Variants in DCUN1D1 observed in about 807,000 individuals in gnomAD.
DCUN1D1 encodes DCN1-like protein 1.
Under a neutral mutation model 39.0 loss-of-function variants are expected in DCUN1D1, and 3 were observed. The ratio of observed to expected loss-of-function variants is 0.08; its 90% CI spans 0.04 to 0.20. DCUN1D1 has a LOEUF of 0.20. Among genes scored for constraint, DCUN1D1 ranks in the 10% least tolerant of loss-of-function variants. The pLI, the probability that DCUN1D1 is intolerant of heterozygous loss-of-function variation, is 1.00. For synonymous variants in DCUN1D1, 82 were observed against 96.3 expected, an observed-to-expected ratio of 0.85 and a Z score of 0.87; for missense variants, 158 against 302.4, an observed-to-expected ratio of 0.52 and a Z score of 3.54.
intron 1 of DCUN1D1, among the ~76,000 whole-genome samples, chr3:182,976,025 T>C (rs926662202): frequency 2.0e-5 from 3 of 152,158 alleles, no homozygotes; most frequent in African/African-American, 7.2e-5. Flanking sequence ...CTGAACTACA[T>C]ATAAACCACT....
upstream of DCUN1D1, among the ~76,000 whole-genome samples, chr3:182,982,697 C>T (rs867078012): frequency 1.1e-4 from 17 of 152,146 alleles, no homozygotes; most frequent in Non-Finnish European, 1.8e-4. Flanking sequence ...GGCTGGAGTA[C>T]AATGGCGCAA....
At chr3:182,971,207 A>G (rs1727918885) in intron 1 of DCUN1D1, among the ~76,000 whole-genome samples, 1 of 152,222 alleles carries the variant, frequency 6.6e-6, no homozygotes, top group African/African-American at 2.4e-5. Flanking sequence ...ACACGAATCA[A>G]TTCAGGTTAA....
upstream of DCUN1D1, among the ~76,000 whole-genome samples, chr3:182,981,954 A>G (rs928506494): frequency 6.6e-6 from 1 of 152,246 alleles, no homozygotes; most frequent in Non-Finnish European, 1.5e-5. Context: ...TGCCTCATGC[A>G]GCAAGCCTGA....
At chr3:182,980,070 A>C in intron 1 of DCUN1D1, 1 of 812,274 alleles carries the variant, frequency 1.2e-6, no homozygotes, top group Non-Finnish European at 1.5e-6. Context: ...GGGGGAGGCT[A>C]CTCACCCGGA....
upstream of DCUN1D1, among the ~76,000 whole-genome samples, chr3:182,984,504 T>C (rs888015386): frequency 4.6e-5 from 7 of 152,156 alleles, no homozygotes; most frequent in Non-Finnish European, 7.3e-5. Context: ...ATGACTATTT[T>C]CCATAGCAAC....
chr3:182,956,791 G>T (rs769221142), intron 4 of DCUN1D1, among the ~76,000 whole-genome samples: 1 of 152,108 alleles, frequency 6.6e-6, no homozygotes, highest in Non-Finnish European at 1.5e-5. Flanking sequence ...AAATGATATG[G>T]CTGCTAAAGA....
chr3:182,980,134 G>C, intron 1 of DCUN1D1: 1 of 932,474 alleles, frequency 1.1e-6, no homozygotes, highest in Non-Finnish European at 1.3e-6. Flanking sequence ...AGGGGCAGGG[G>C]CAAGGCCGTT....
At chr3:182,975,368 G>A (rs1025137409) in intron 1 of DCUN1D1, among the ~76,000 whole-genome samples, 4 of 151,474 alleles carry the variant, frequency 2.6e-5, no homozygotes, top group African/African-American at 4.9e-5. Context: ...AGCAGAGATG[G>A]GGTTTCACCG....
At chr3:182,946,591 A>C (rs1382172568) in intron 6 of DCUN1D1, among the ~76,000 whole-genome samples, 1 of 150,524 alleles carries the variant, frequency 6.6e-6, no homozygotes, top group African/African-American at 2.4e-5. Flanking sequence ...CACTGAACTT[A>C]AGGAATTTAC....
chr3:182,965,458 T>A (rs139913704), intron 2 of DCUN1D1, 79 bp downstream of exon 2: 8 of 850,044 alleles, frequency 9.4e-6, no homozygotes, highest in Non-Finnish European at 1.5e-5. Flanking sequence ...AAGTTATATA[T>A]AGTATTTCAT....
chr3:182,959,962 G>A (rs894320335), intron 4 of DCUN1D1, among the ~76,000 whole-genome samples: 1 of 152,114 alleles, frequency 6.6e-6, no homozygotes, highest in African/African-American at 2.4e-5. Flanking sequence ...CCTCACAGGA[G>A]TCCACTTCCC....
chr3:182,983,305 C>A (rs1378292430), upstream of DCUN1D1, among the ~76,000 whole-genome samples: 2 of 152,246 alleles, frequency 1.3e-5, no homozygotes, highest in African/African-American at 4.8e-5. Flanking sequence ...GTAATCCTCA[C>A]TGCGACACAT....
At position 182,944,622 on chromosome 3, in the gene DCUN1D1, A is replaced by T. The variant is rs1726303223; in HGVS notation, c.*472T>A. The T allele has an allele frequency of 6.6e-6, 1 of 152,524 alleles. No individual in the cohort carries two copies. The highest frequency in any genetic ancestry group is 1.5e-5 in the Non-Finnish European group (1 of 68,166). 9.4% of individuals were successfully genotyped at this position (152,524 alleles called of 1,614,324 possible). On this transcript the variant is annotated 3_prime_UTR_variant, in exon 7 of 7. Coordinates refer to ENST00000292782, the MANE Select transcript of DCUN1D1 (RefSeq NM_020640.4). ...CAGATCCAGTACACTTAAATATATCACTCTCACTGGAAGTGCTATTAGCAT... is the reference window on the plus strand; with the variant it reads ...CAGATCCAGTACACTTAAATATATCTCTCTCACTGGAAGTGCTATTAGCAT...
At position 182,943,756 on chromosome 3, in the gene DCUN1D1, G is replaced by A. The variant is rs1421002999; in HGVS notation, c.*1338C>T. 6.6e-6 allele frequency: 1 copy of A among 152,510 alleles called. No homozygotes were observed. The highest frequency in any genetic ancestry group is 1.5e-5 in the Non-Finnish European group (1 of 68,004). The allele number at this position is 152,510 out of a possible 1,614,324, so 9.4% of individuals were successfully genotyped here. On this transcript the variant is annotated 3_prime_UTR_variant, in exon 7 of 7. Coordinates refer to ENST00000292782, the MANE Select transcript of DCUN1D1 (RefSeq NM_020640.4). ...CTTCACATGTCAGTAAGTGAACAGG[G>A]AAATGACCATTTTCAGCATAAAAGC...
At chr3:182,950,260 GCCTCAGCCT>G (rs1175292400) in intron 4 of DCUN1D1, among the ~76,000 whole-genome samples, 1 of 151,864 alleles carries the variant, frequency 6.6e-6, no homozygotes, top group Non-Finnish European at 1.5e-5. Context: ...CAATTCTCCT[GCCTCAGCCT>G]CCTGAGTAGC....
intron 1 of DCUN1D1, among the ~76,000 whole-genome samples, chr3:182,972,587 G>A (rs150268650): frequency 2.5e-4 from 38 of 152,042 alleles, no homozygotes; most frequent in African/African-American, 8.9e-4. Flanking sequence ...ACGAGCCTGG[G>A]CAACACAGCA....
chr3:182,976,576 A>G (rs1221084999), intron 1 of DCUN1D1, among the ~76,000 whole-genome samples: 3 of 151,984 alleles, frequency 2.0e-5, no homozygotes, highest in Non-Finnish European at 4.4e-5. Context: ...GTTCAAAATT[A>G]TCTCATTGGT....
chr3:182,948,616 C>T (rs1027173531), intron 4 of DCUN1D1, among the ~76,000 whole-genome samples: 1 of 152,126 alleles, frequency 6.6e-6, no homozygotes, highest in Non-Finnish European at 1.5e-5. Context: ...TTTACTTCTC[C>T]AGCACAAGAA....
At chr3:182,958,992 A>T (rs540483958) in intron 4 of DCUN1D1, among the ~76,000 whole-genome samples, 1 of 152,334 alleles carries the variant, frequency 6.6e-6, no homozygotes, top group East Asian at 1.9e-4. Context: ...ATTTAATCTT[A>T]TCAAAATATT....
Sources: allele counts gnomAD v4.1 joint callset (sites outside exome capture counted in the v4.1 genomes callset), GRCh38; gene constraint gnomAD v4.1.1; transcripts MANE v1.5; gene names NCBI Gene and HGNC (gene_info 2026-07-23, HGNC 2026-07-21).